The following PCDHGB5 variants were observed in gnomAD, a reference collection of about 807,000 sequenced individuals.
PCDHGB5 encodes the protein protocadherin gamma-B5.
Under a neutral mutation model 62.9 loss-of-function variants are expected in PCDHGB5, and 48 were observed. The observed-to-expected ratio is 0.76, with a 90% confidence interval of 0.61 to 0.97. The LOEUF (loss-of-function observed/expected upper bound fraction) is 0.97, where lower values mean the gene tolerates loss of function less well. Among genes scored for constraint, PCDHGB5 ranks in the 50% least tolerant of loss-of-function variants. The pLI, the probability that PCDHGB5 is intolerant of heterozygous loss-of-function variation, is 0.00. For synonymous variants in PCDHGB5, 474 were observed against 511.2 expected (o/e 0.93, Z 0.98); for missense variants, 1,118 against 1,198.6 (o/e 0.93, Z 0.99).
chr5:141,404,826 A>C lies in PCDHGB5; in HGVS notation c.2397+4302A>C, dbSNP rs771996319. 2.5e-6 allele frequency: 4 copies of C among 1,613,710 alleles called. No individual in the cohort carries two copies. In the South Asian group the frequency reaches 3.3e-5, roughly 13 times the overall value. The stretch of plus-strand genomic sequence containing the variant: ...TTCTCGGTGGGGCTGCACACAGGTG[A>C]AGTGCGCACAGCTCGGGCCCTGCTA... On this transcript the variant is annotated intron_variant, in intron 1 of 3. Transcript: ENST00000617380.
At chr5:141,444,288 C>T (rs2098430665) in intron 1 of PCDHGB5, among the ~76,000 whole-genome samples, 1 of 150,100 alleles carries the variant, frequency 6.7e-6, no homozygotes, top group South Asian at 2.1e-4. Flanking sequence ...TCTCCTGCCT[C>T]AGCCTCCCTA....
Position 141,491,458 on chromosome 5 carries a change from G to C in PCDHGB5, c.2398-3349G>C. 1 of 1,614,092 alleles carries C rather than the reference G, an allele frequency of 6.2e-7. No individual in the cohort carries two copies. The highest frequency in any genetic ancestry group is 8.5e-7 in the Non-Finnish European group (1 of 1,180,022). On this transcript the variant is annotated intron_variant, in intron 1 of 3. Coordinates refer to ENST00000617380, the MANE Select transcript of PCDHGB5 (RefSeq NM_018925.3). The surrounding 1 kb of genome is among the most constrained non-coding windows in gnomAD (Gnocchi z 6.9). Reference sequence around the variant, plus strand: ...CAGGCGCCAGGACTCACCCTCCCCGGACTTCTATAAGCAGTCCAGCCCCAA... The same window carrying C: ...CAGGCGCCAGGACTCACCCTCCCCGCACTTCTATAAGCAGTCCAGCCCCAA...
intron 1 of PCDHGB5, chr5:141,413,929 C>T (rs2095693828): frequency 6.2e-7 from 1 of 1,613,342 alleles, no homozygotes; most frequent in South Asian, 1.1e-5. Context: ...GCCAGAATAC[C>T]GAGTGAGTGT....
Position 141,505,474 on chromosome 5 carries a change from C to T in PCDHGB5, c.2538C>T (p.Ser846=), listed in dbSNP as rs751690779. The stretch of plus-strand genomic sequence containing the variant: ...TGCTGCAAGCCATGATCTTGGCGTC[C>T]GCCAGTGGTAAGTGGTGTCAGTGTG... ...TEMLQAMILA[S]ASEAADGSST... Residue 846 remains serine, a synonymous_variant, in exon 3 of 4, where the codon TCC becomes TCT. Transcript: ENST00000617380. 2.2e-5 allele frequency: 36 copies of T among 1,614,090 alleles called. No individual in the cohort carries two copies. The highest frequency in any genetic ancestry group is 5.3e-5 in the African/African-American group (4 of 74,934).
chr5:141,473,274 TA>T (rs2099318463), intron 1 of PCDHGB5, among the ~76,000 whole-genome samples: 1 of 152,210 alleles, frequency 6.6e-6, no homozygotes, highest in South Asian at 2.1e-4. Context: ...ATGCTATGAT[TA>T]TTTTACTATG....
At chr5:141,423,257 G>A in intron 1 of PCDHGB5, 2 of 1,613,946 alleles carry the variant, frequency 1.2e-6, no homozygotes, top group Non-Finnish European at 1.7e-6. Context: ...GCGGACCTCG[G>A]CAGCCTCGAG....
At chr5:141,473,735 A>G (rs529416084) in intron 1 of PCDHGB5, among the ~76,000 whole-genome samples, 75 of 152,352 alleles carry the variant, frequency 4.9e-4, no homozygotes, top group African/African-American at 1.6e-3. Context: ...GAGAGGGAGA[A>G]GACATGAGAA....
chr5:141,420,974 T>C, intron 1 of PCDHGB5: 1 of 460,696 alleles, frequency 2.2e-6, no homozygotes, highest in Non-Finnish European at 3.8e-6. Flanking sequence ...ATAATAAGAA[T>C]GGGCTCTAGG....
At position 141,447,667 on chromosome 5, in the gene PCDHGB5, G is replaced by A. The variant is rs115529144; in HGVS notation, c.2398-47140G>A. 2.4e-3 allele frequency among the ~76,000 whole-genome samples: 372 copies of A among 152,278 alleles called. 2 individuals are homozygous for A. Among genetic ancestry groups the A allele is most frequent in the African/African-American group, 8.6e-3 (358 of 41,546 alleles). The stretch of plus-strand genomic sequence containing the variant: ...TAGAATTTTCCCCCCCAGGAAGTTA[G>A]AACTGTTCCATATCTTGATAGAGGG... On this transcript the variant is annotated intron_variant, in intron 1 of 3. Transcript: ENST00000617380.
chr5:141,428,949 G>T (rs2097173007), intron 1 of PCDHGB5: 1 of 152,034 alleles, frequency 6.6e-6, no homozygotes, highest in Admixed American at 6.6e-5. Flanking sequence ...CTGCCTTCCG[G>T]GTTCTGGCCA....
intron 1 of PCDHGB5, among the ~76,000 whole-genome samples, chr5:141,448,975 T>C (rs888432093): frequency 6.6e-6 from 1 of 151,970 alleles, no homozygotes; most frequent in African/African-American, 2.4e-5. Flanking sequence ...AAAAAAGAAC[T>C]TCCATATTAA....
At chr5:141,427,416 G>T (rs1457696807) in intron 1 of PCDHGB5, 2 of 466,124 alleles carry the variant, frequency 4.3e-6, no homozygotes, top group South Asian at 3.1e-5. Flanking sequence ...GAGAGAAAAT[G>T]GGGAGGTTAC....
intron 1 of PCDHGB5, chr5:141,413,431 G>T (rs963192857): frequency 1.9e-6 from 3 of 1,614,092 alleles, no homozygotes; most frequent in Non-Finnish European, 2.5e-6. Context: ...CCCGCGCAGC[G>T]GCAGCTTGAT....
At chr5:141,418,031 G>A (rs760396058) in intron 1 of PCDHGB5, 1 of 1,614,022 alleles carries the variant, frequency 6.2e-7, no homozygotes, top group Non-Finnish European at 8.5e-7. Context: ...AGGGCTTAGT[G>A]TCCTGGATGT....
Position 141,486,572 on chromosome 5 carries a change from A to G in PCDHGB5, c.2398-8235A>G. 1 of 1,613,876 alleles carries G rather than the reference A, an allele frequency of 6.2e-7. No individual in the cohort carries two copies. Among genetic ancestry groups the G allele is most frequent in the Non-Finnish European group, 8.5e-7 (1 of 1,180,002 alleles). ...GTCACATGAGGTGTTTGTTCCTGAG[A>G]ACAATCGCCCAGGGGACCTGCTTTG... is the stretch of plus-strand genomic sequence containing the variant. On this transcript the variant is annotated intron_variant, in intron 1 of 3. Coordinates refer to ENST00000617380, the MANE Select transcript of PCDHGB5 (RefSeq NM_018925.3). This position sits in a 1 kb window ranked among gnomAD's most constrained non-coding sequence, Gnocchi z 5.0.
chr5:141,405,437 T>A, intron 1 of PCDHGB5: 1 of 1,433,230 alleles, frequency 7.0e-7, no homozygotes, highest in Non-Finnish European at 9.6e-7. Context: ...GTTTTGTTTT[T>A]GAGACAGAGT....
At chr5:141,410,041 G>A (rs763879404) in intron 1 of PCDHGB5, 2 of 1,613,228 alleles carry the variant, frequency 1.2e-6, no homozygotes, top group East Asian at 2.2e-5. Flanking sequence ...AGGCCAGTGA[G>A]CCCGGACTCT....
In PCDHGB5 at chr5:141,485,062, C is replaced by T. The variant is rs2099606141; in HGVS notation, c.2398-9745C>T. 2.3e-6 allele frequency: 2 copies of T among 876,222 alleles called. No individual in the cohort carries two copies. Among genetic ancestry groups the T allele is most frequent in the Non-Finnish European group, 3.6e-6 (2 of 552,684 alleles). 54.3% of individuals were successfully genotyped at this position (876,222 alleles called of 1,614,324 possible). ...CCTTGCGGCGCCGGCCGAACCGCGCCAGAGCTGGCGCGGGGAAAGGGAGAT... is the reference window on the plus strand; with the variant it reads ...CCTTGCGGCGCCGGCCGAACCGCGCTAGAGCTGGCGCGGGGAAAGGGAGAT... On this transcript the variant is annotated intron_variant, in intron 1 of 3. Coordinates refer to ENST00000617380, the MANE Select transcript of PCDHGB5 (RefSeq NM_018925.3). The surrounding 1 kb of genome is among the most constrained non-coding windows in gnomAD (Gnocchi z 5.7).
At chr5:141,471,309 C>T (rs140651182) in intron 1 of PCDHGB5, 8,212 of 152,202 alleles carry the variant, frequency 0.054, 462 homozygotes, top group African/African-American at 0.15. Flanking sequence ...ACTCGGCCTC[C>T]CAAAGTGCTG....
Sources: gnomAD v4.1 joint callset for allele counts (sites outside exome capture counted in the v4.1 genomes callset) on GRCh38, gnomAD v4.1.1 for gene constraint, Gnocchi (gnomAD v3.1) non-coding constraint, MANE v1.5 for transcripts, NCBI Gene and HGNC (gene_info 2026-07-23, HGNC 2026-07-21) for gene names.